Variants in TSC2 observed in about 807,000 individuals in gnomAD.
TSC2 encodes the protein TSC complex subunit 2.
A neutral mutation model predicts 202.2 loss-of-function variants in TSC2; 29 were observed. The ratio of observed to expected loss-of-function variants is 0.14; its 90% CI spans 0.11 to 0.20. TSC2 has a LOEUF of 0.20. Ranked by LOEUF, TSC2 falls within the 10% of genes least tolerant of loss-of-function variation. TSC2 has a pLI of 1.00. For synonymous variants in TSC2, 1,349 were observed against 1,044.0 expected (o/e 1.29, Z -5.63); for missense variants, 2,429 against 2,420.0 (o/e 1.00, Z -0.08).
In TSC2 at chr16:2,085,018, C is replaced by T. The variant is rs1468281970; in HGVS notation, c.4561C>T (p.Pro1521Ser). The T allele has an allele frequency of 6.2e-7, 1 of 1,613,272 alleles. No individual in the cohort carries two copies. The highest frequency in any genetic ancestry group is 8.5e-7 in the Non-Finnish European group (1 of 1,180,000). Reference protein sequence around the residue: ...GDESNKPILLPNESQSFERSV... With the variant: ...GDESNKPILLSNESQSFERSV... The stretch of plus-strand genomic sequence containing the variant: ...CGAGTCAAACAAGCCAATCCTGCTG[C>T]CCAATGAGGTAGGCGTGGCCTCCCT... Residue 1521 changes from proline to serine, a missense_variant, in exon 35 of 42, where the codon CCC becomes TCC. By Grantham distance (74) the Pro-to-Ser change is moderately conservative. Transcript: ENST00000219476.
intron 32 of TSC2, chr16:2,082,872 C>T: frequency 2.4e-6 from 1 of 411,904 alleles, no homozygotes; most frequent in Non-Finnish European, 4.6e-6. Flanking sequence ...CGGGCCTTGC[C>T]CTGGCCTTTG....
intron 16 of TSC2, among the ~76,000 whole-genome samples, chr16:2,069,864 C>T (rs527675921): frequency 6.6e-6 from 1 of 152,074 alleles, no homozygotes; most frequent in African/African-American, 2.4e-5. Flanking sequence ...CCACCCACTT[C>T]AGCCTCCCAA....
intron 16 of TSC2, among the ~76,000 whole-genome samples, chr16:2,067,265 C>A (rs868244448): frequency 6.6e-6 from 1 of 152,022 alleles, no homozygotes; most frequent in Middle Eastern, 3.4e-3. Context: ...ACCAAGTGAT[C>A]GTCCTGCCTC....
Position 2,081,627 on chromosome 16 carries a change from C to G in TSC2, c.3643C>G (p.Pro1215Ala), listed in dbSNP as rs1555512332. The G allele has an allele frequency of 6.2e-7, 1 of 1,612,900 alleles. No individual in the cohort carries two copies. Among genetic ancestry groups the G allele is most frequent in the Non-Finnish European group, 8.5e-7 (1 of 1,180,004 alleles). The change falls in exon 31 of 42, where the codon CCG becomes GCG. Residue 1215 changes from proline to alanine, a missense_variant. Transcript: ENST00000219476. ...CAGCTGGCTGATGAGCCTGGAGAAC[C>G]CGCTCAGCCCTTTCTCCTCGGACAT... ...NTSWLMSLENPLSPFSSDINN... is the reference protein window; with the variant it reads ...NTSWLMSLENALSPFSSDINN...
intron 14 of TSC2, chr16:2,063,641 A>C: frequency 9.4e-6 from 2 of 213,380 alleles, no homozygotes; most frequent in Non-Finnish European, 1.9e-5. Context: ...AGAGCTGCCC[A>C]CTCTGCTCCT....
intron 14 of TSC2, chr16:2,063,891 T>C (rs2086948897): frequency 8.0e-6 from 3 of 376,250 alleles, no homozygotes; most frequent in South Asian, 6.6e-5. Context: ...GGCACACACG[T>C]GCACATGCCC....
At chr16:2,083,654 G>C (rs1178172969) in intron 32 of TSC2, 41 bp from the exon 33 acceptor site, 1 of 1,558,624 alleles carries the variant, frequency 6.4e-7, no homozygotes, top group Admixed American at 1.9e-5. Context: ...CCAGGGCCTG[G>C]CCCAGCCCCA....
At position 2,064,256 on chromosome 16, in the gene TSC2, C is replaced by T. The variant is rs1471755561; in HGVS notation, c.1444-16C>T. 6.2e-7 allele frequency: 1 copy of T among 1,613,864 alleles called. No individual in the cohort carries two copies. The highest frequency in any genetic ancestry group is 1.7e-5 in the Admixed American group (1 of 60,036). On this transcript the variant is annotated splice_polypyrimidine_tract_variant and intron_variant, in intron 14 of 41. Coordinates refer to ENST00000219476, the MANE Select transcript of TSC2 (RefSeq NM_000548.5). Reference sequence around the variant, plus strand: ...CGTTGGGCTGGCGCTCATTGGCCTCCCTTGTGCCTGTGCAGGAGGAGCTGA... The same window carrying T: ...CGTTGGGCTGGCGCTCATTGGCCTCTCTTGTGCCTGTGCAGGAGGAGCTGA...
chr16:2,072,873 C>T lies in TSC2; in HGVS notation c.2245C>T (p.Arg749Trp), dbSNP rs377397369. The T allele has an allele frequency of 1.5e-5, 25 of 1,613,488 alleles. No homozygotes were observed. The highest frequency in any genetic ancestry group is 7.7e-5 in the South Asian group (7 of 91,092). The change falls in exon 21 of 42, where the codon CGG becomes TGG. Residue 749 changes from arginine to tryptophan, a missense_variant. Coordinates refer to ENST00000219476, the MANE Select transcript of TSC2 (RefSeq NM_000548.5). ...SMLSGPKTLE[R>W]LRGAPEGFSR... The stretch of plus-strand genomic sequence containing the variant: ...GCTTTCAGGCCCAAAGACACTGGAG[C>T]GGCTCCGAGGCGCCCCAGAAGGCTT...
At position 2,088,881 on chromosome 16, in the gene TSC2, G is replaced by GCGCGCACACACACACACACACACACA. The variant is rs142285430; in HGVS notation, c.*272_*273insGCGCACACACACACACACACACACAC. 25 of 421,480 alleles carry GCGCGCACACACACACACACACACACA rather than the reference G, an allele frequency of 5.9e-5. No individual in the cohort carries two copies. Among genetic ancestry groups the GCGCGCACACACACACACACACACACA allele is most frequent in the Middle Eastern group, 7.2e-4 (1 of 1,380 alleles). 26.1% of individuals were successfully genotyped at this position (421,480 alleles called of 1,614,324 possible). The stretch of plus-strand genomic sequence containing the variant: ...ACAGCACACTCGCGCGTGCGCGCGC[G>GCGCGCACACACACACACACACACACA]CACACACACACACACACAGTCACCT... On this transcript the variant is annotated 3_prime_UTR_variant, in exon 42 of 42. Transcript: ENST00000219476.
intron 30 of TSC2, chr16:2,081,335 C>T (rs1159743813): frequency 9.1e-6 from 5 of 546,630 alleles, no homozygotes; most frequent in African/African-American, 1.9e-5. Flanking sequence ...TCGTGGAGGC[C>T]TTGGGTCCGG....
At chr16:2,075,358 C>T (rs141828622) in intron 22 of TSC2, 1 of 199,088 alleles carries the variant, frequency 5.0e-6, no homozygotes, top group Non-Finnish European at 1.0e-5. Context: ...AACCCCGTCT[C>T]TAATAAAAAT....
chr16:2,063,269 G>A, intron 14 of TSC2: 1 of 639,782 alleles, frequency 1.6e-6, no homozygotes, highest in Non-Finnish European at 2.8e-6. Context: ...TGGCCAAGTA[G>A]CAAGGAAGGC....
chr16:2,080,461 G>T (rs1169126014), intron 30 of TSC2, 84 bp downstream of exon 30: 7 of 1,509,276 alleles, frequency 4.6e-6, no homozygotes, highest in Non-Finnish European at 4.5e-6. Flanking sequence ...TGCAGACTTG[G>T]CCCTCTTGGG....
At chr16:2,080,586 C>T (rs1028563240) in intron 30 of TSC2, 8 of 614,814 alleles carry the variant, frequency 1.3e-5, no homozygotes, top group East Asian at 3.0e-5. Flanking sequence ...CGGGTTCACG[C>T]CATTCTCCTG....
chr16:2,077,966 G>A (rs2089642306), intron 26 of TSC2, among the ~76,000 whole-genome samples: 2 of 152,248 alleles, frequency 1.3e-5, no homozygotes, highest in African/African-American at 4.8e-5. Context: ...AGAGAGCCAG[G>A]CGTGCCGGGC....
chr16:2,077,217 C>T (rs1206463103), intron 25 of TSC2, among the ~76,000 whole-genome samples: 2 of 152,218 alleles, frequency 1.3e-5, no homozygotes, highest in Admixed American at 6.5e-5. Flanking sequence ...ACTGAGGCCT[C>T]AGTGCCGCCT....
chr16:2,080,259 G>A lies in TSC2; in HGVS notation c.3492G>A (p.Ala1164=), dbSNP rs769562717. ...TSPGPRTAPA[A]KPEKASAGTR... The stretch of plus-strand genomic sequence containing the variant: ...CAGGACCACGGACTGCACCAGCCGC[G>A]AAACCTGAGAAGGCCTCAGCTGGCA... Residue 1164 remains alanine, a synonymous_variant, in exon 30 of 42, where the codon GCG becomes GCA. Coordinates refer to ENST00000219476, the MANE Select transcript of TSC2 (RefSeq NM_000548.5). 26 of 1,612,866 alleles carry A rather than the reference G, an allele frequency of 1.6e-5. No homozygotes were observed. Among genetic ancestry groups the A allele is most frequent in the African/African-American group, 6.7e-5 (5 of 74,954 alleles).
At chr16:2,057,004 T>C in intron 8 of TSC2, 101 bp from the exon 9 acceptor site, 1 of 1,481,924 alleles carries the variant, frequency 6.7e-7, no homozygotes, top group Non-Finnish European at 9.2e-7. Flanking sequence ...GGCCGGACCT[T>C]GGGTGGCTAT....
Sources: gnomAD v4.1 joint callset for allele counts (sites outside exome capture counted in the v4.1 genomes callset) on GRCh38, gnomAD v4.1.1 for gene constraint, MANE v1.5 for transcripts, NCBI Gene and HGNC (gene_info 2026-07-23, HGNC 2026-07-21) for gene names.